The following ZNF71 variants were observed in gnomAD, a reference collection of about 807,000 sequenced individuals.
ZNF71 encodes the protein zinc finger protein 71.
ZNF71 carries 3 observed loss-of-function variants against 6.7 expected under a neutral mutation model. That is an observed-to-expected ratio of 0.45 (90% CI 0.20 to 1.16). The LOEUF (loss-of-function observed/expected upper bound fraction) is 1.16. Among genes scored for constraint, ZNF71 ranks in the 50% most tolerant of loss-of-function variants. The pLI is 0.25. For synonymous variants in ZNF71, 343 were observed against 311.1 expected, an observed-to-expected ratio of 1.10 and a Z score of -1.08; for missense variants, 688 against 728.6, an observed-to-expected ratio of 0.94 and a Z score of 0.64.
chr19:56,606,153 A>G (rs1160421042), intron 2 of ZNF71, among the ~76,000 whole-genome samples: 1 of 152,200 alleles, frequency 6.6e-6, no homozygotes, highest in Non-Finnish European at 1.5e-5. Flanking sequence ...ATCATTATTT[A>G]CTAATGAATT....
At chr19:56,600,112 T>TTGAGATGGAGTCTCGCTCTG in intron 1 of ZNF71, among the ~76,000 whole-genome samples, 2 of 148,284 alleles carry the variant, frequency 1.3e-5, no homozygotes, top group African/African-American at 5.0e-5. Context: ...TTTTTTTTTT[T>TTGAGATGGAGTCTCGCTCTG]TTGAGATGGA....
intron 3 of ZNF71, among the ~76,000 whole-genome samples, chr19:56,615,991 T>G (rs1302423983): frequency 1.3e-5 from 2 of 152,188 alleles, no homozygotes; most frequent in Non-Finnish European, 2.9e-5. Flanking sequence ...TCAACATCAT[T>G]CCTTTGCATG....
Position 56,622,608 on chromosome 19 carries a change from G to C in ZNF71, c.1501G>C (p.Gly501Arg). Residue 501 changes from glycine (G) to arginine (R), a missense_variant, in exon 4 of 4, where the codon GGC (glycine) becomes CGC (arginine). Transcript: ENST00000599599. The part of the protein sequence containing the change: ...IHTGEKPYRC[G>R]QCGKSFIKNS... ...CACCGGCGAGAAGCCGTACAGGTGC[G>C]GCCAGTGCGGGAAGTCCTTCATCAA... 6.2e-7 allele frequency: 1 copy of C among 1,612,440 alleles called. No individual in the cohort carries two copies. The highest frequency in any genetic ancestry group is 2.2e-5 in the East Asian group (1 of 44,740).
intron 3 of ZNF71, among the ~76,000 whole-genome samples, chr19:56,619,386 C>T (rs2044825492): frequency 6.6e-6 from 1 of 152,308 alleles, no homozygotes; most frequent in African/African-American, 2.4e-5. Flanking sequence ...CTCCAGGTAC[C>T]GCAGATGAGT....
chr19:56,612,994 G>T (rs2044763107), intron 2 of ZNF71, among the ~76,000 whole-genome samples: 1 of 152,128 alleles, frequency 6.6e-6, no homozygotes, highest in African/African-American at 2.4e-5. Flanking sequence ...CAACCACTTA[G>T]AGTAGTACCT....
At chr19:56,612,371 A>T (rs1047848628) in intron 2 of ZNF71, among the ~76,000 whole-genome samples, 1 of 152,216 alleles carries the variant, frequency 6.6e-6, no homozygotes, top group African/African-American at 2.4e-5. Flanking sequence ...ACACACATAT[A>T]ATATATATGT....
intron 3 of ZNF71, among the ~76,000 whole-genome samples, chr19:56,619,477 T>A (rs578227547): frequency 6.6e-6 from 1 of 152,312 alleles, no homozygotes; most frequent in East Asian, 1.9e-4. Context: ...TTAAAAAATG[T>A]TTTTCATGGG....
intron 3 of ZNF71, among the ~76,000 whole-genome samples, chr19:56,615,468 C>A (rs1023308591): frequency 1.3e-5 from 2 of 151,568 alleles, no homozygotes; most frequent in Admixed American, 1.3e-4. Flanking sequence ...CTCATCACTG[C>A]GCTTTTCATT....
chr19:56,604,964 G>A, intron 2 of ZNF71, among the ~76,000 whole-genome samples: 1 of 152,298 alleles, frequency 6.6e-6, no homozygotes. Flanking sequence ...GGCAGGTGGG[G>A]CCTGTAGCAA....
At chr19:56,619,756 C>T (rs1168141931) in intron 3 of ZNF71, among the ~76,000 whole-genome samples, 1 of 152,178 alleles carries the variant, frequency 6.6e-6, no homozygotes, top group Non-Finnish European at 1.5e-5. Flanking sequence ...AGGAGGGGGA[C>T]AGCTGCTGCC....
chr19:56,614,440 T>C (rs1317276898), intron 3 of ZNF71, among the ~76,000 whole-genome samples: 3 of 152,340 alleles, frequency 2.0e-5, no homozygotes, highest in African/African-American at 7.2e-5. Context: ...CAGTCAAATA[T>C]TGAAGGATTC....
chr19:56,597,646 C>T (rs1205774171), intron 1 of ZNF71, among the ~76,000 whole-genome samples: 5 of 152,254 alleles, frequency 3.3e-5, no homozygotes, highest in African/African-American at 1.2e-4. Context: ...TTCGCAGAGG[C>T]GACCTGATAC....
intron 1 of ZNF71, among the ~76,000 whole-genome samples, chr19:56,600,955 T>C (rs1029624075): frequency 2.0e-5 from 3 of 152,228 alleles, no homozygotes; most frequent in African/African-American, 7.2e-5. Flanking sequence ...CTGGGGGAAG[T>C]GCCCAAAGAG....
At chr19:56,609,015 A>C (rs938816031) in intron 2 of ZNF71, among the ~76,000 whole-genome samples, 1 of 152,232 alleles carries the variant, frequency 6.6e-6, no homozygotes, top group Non-Finnish European at 1.5e-5. Flanking sequence ...GCCCATATAA[A>C]TAAAATGGAG....
chr19:56,612,243 C>T (rs959580200), intron 2 of ZNF71, among the ~76,000 whole-genome samples: 1 of 152,130 alleles, frequency 6.6e-6, no homozygotes, highest in Non-Finnish European at 1.5e-5. Context: ...GACACCTGCA[C>T]GTGTATGTTT....
intron 3 of ZNF71, among the ~76,000 whole-genome samples, chr19:56,620,461 C>A (rs1568509209): frequency 1.3e-5 from 2 of 152,090 alleles, no homozygotes; most frequent in Non-Finnish European, 1.5e-5. Context: ...AGAGAATAAC[C>A]AACACATGCC....
intron 2 of ZNF71, chr19:56,610,029 G>T (rs192152026): frequency 6.6e-6 from 1 of 152,228 alleles, no homozygotes. Context: ...TTATCCATTC[G>T]TCAGGAGATG....
At chr19:56,601,859 G>A (rs73934488) in intron 2 of ZNF71, among the ~76,000 whole-genome samples, 2,517 of 152,250 alleles carry the variant, frequency 0.017, 72 homozygotes, top group African/African-American at 0.057. Context: ...GTTTAGACAT[G>A]TGACATTGAG....
chr19:56,608,038 A>G (rs1364314150), intron 2 of ZNF71, among the ~76,000 whole-genome samples: 1 of 152,216 alleles, frequency 6.6e-6, no homozygotes, highest in Non-Finnish European at 1.5e-5. Flanking sequence ...CCAAGGGAAA[A>G]AGAGGGAGTG....
Sources: allele counts gnomAD v4.1 joint callset (sites outside exome capture counted in the v4.1 genomes callset), GRCh38; gene constraint gnomAD v4.1.1; transcripts MANE v1.5; gene names NCBI Gene and HGNC (gene_info 2026-07-23, HGNC 2026-07-21).